The following SLC9A9 variants were observed in gnomAD, a reference collection of about 807,000 sequenced individuals.
SLC9A9 encodes the protein sodium/hydrogen exchanger 9.
In SLC9A9, 62 loss-of-function variants were observed where a neutral mutation model predicts 77.8. The ratio of observed to expected loss-of-function variants is 0.80; its 90% CI spans 0.65 to 0.98. SLC9A9 has a LOEUF of 0.98. SLC9A9 is among the 50% of genes least tolerant of loss of function. The pLI is 0.00. For missense variants in SLC9A9, 775 were observed against 774.9 expected, an observed-to-expected ratio of 1.00 and a Z score of 0.00; for synonymous variants, 320 against 283.5, an observed-to-expected ratio of 1.13 and a Z score of -1.29.
At chr3:143,839,536 C>T (rs1050798360) in intron 1 of SLC9A9, among the ~76,000 whole-genome samples, 4 of 151,924 alleles carry the variant, frequency 2.6e-5, no homozygotes, top group South Asian at 2.1e-4. Flanking sequence ...ACATCACAAG[C>T]GCACACATGC....
chr3:143,664,803 C>T (rs2039036278), intron 5 of SLC9A9, among the ~76,000 whole-genome samples: 1 of 152,196 alleles, frequency 6.6e-6, no homozygotes. Context: ...AACATATATG[C>T]ACCCAATACA....
intron 1 of SLC9A9, among the ~76,000 whole-genome samples, chr3:143,843,879 A>C (rs567464334): frequency 2.0e-5 from 3 of 152,270 alleles, no homozygotes; most frequent in African/African-American, 7.2e-5. Context: ...TTCCAGTCCA[A>C]TTTAAATGAG....
Position 143,394,382 on chromosome 3 carries a change from G to C in SLC9A9, c.1470-12268C>G, listed in dbSNP as rs541324513. Among the ~76,000 whole-genome samples, 238 of 152,188 alleles carry C rather than the reference G, an allele frequency of 1.6e-3. 1 individual carries two copies. Among genetic ancestry groups the C allele is most frequent in the Admixed American group, 1.9e-3 (29 of 15,290 alleles). The stretch of plus-strand genomic sequence containing the variant: ...GATTATCCCAATAGAAGCAGAAAAG[G>C]CCTTTGACAAAATTCAACAACTCTT... On this transcript the variant is annotated intron_variant, in intron 12 of 15. Coordinates refer to ENST00000316549, the MANE Select transcript of SLC9A9 (RefSeq NM_173653.4).
chr3:143,478,482 A>G (rs936246924), intron 11 of SLC9A9, among the ~76,000 whole-genome samples: 7 of 152,184 alleles, frequency 4.6e-5, no homozygotes, highest in African/African-American at 1.7e-4. Flanking sequence ...AGGTGGGGCT[A>G]GGATCCTGCC....
At chr3:143,727,129 A>C (rs536603829) in intron 4 of SLC9A9, among the ~76,000 whole-genome samples, 87 of 152,344 alleles carry the variant, frequency 5.7e-4, no homozygotes, top group Non-Finnish European at 1.0e-3. Flanking sequence ...CAAACTTATA[A>C]TTAACACCAT....
At chr3:143,476,657 G>T (rs1310558131) in intron 11 of SLC9A9, among the ~76,000 whole-genome samples, 3 of 152,242 alleles carry the variant, frequency 2.0e-5, no homozygotes, top group African/African-American at 7.2e-5. Flanking sequence ...CATTCTGGGA[G>T]TAGTACCCAA....
chr3:143,846,736 T>G (rs1384673337), intron 1 of SLC9A9, among the ~76,000 whole-genome samples: 6 of 151,956 alleles, frequency 3.9e-5, no homozygotes, highest in South Asian at 2.1e-4. Context: ...AAAAGGTTTT[T>G]TTTTTTTTTG....
At chr3:143,348,554 G>A (rs1387937132) in intron 14 of SLC9A9, among the ~76,000 whole-genome samples, 1 of 152,100 alleles carries the variant, frequency 6.6e-6, no homozygotes, top group Non-Finnish European at 1.5e-5. Flanking sequence ...CAGAGGGCTA[G>A]GCATCTCTTT....
intron 13 of SLC9A9, among the ~76,000 whole-genome samples, chr3:143,373,132 C>T (rs1377765729): frequency 6.6e-6 from 1 of 152,070 alleles, no homozygotes; most frequent in Non-Finnish European, 1.5e-5. Context: ...GTCAATATAT[C>T]AAAAAGACAC....
intron 12 of SLC9A9, among the ~76,000 whole-genome samples, chr3:143,433,802 AAC>A (rs1293434001): frequency 1.3e-5 from 2 of 152,230 alleles, no homozygotes; most frequent in Non-Finnish European, 2.9e-5. Flanking sequence ...AGTCTCAGAA[AAC>A]TTTATTAGAA....
At chr3:143,360,680 AAAAAC>A (rs1366433422) in intron 14 of SLC9A9, among the ~76,000 whole-genome samples, 3 of 152,244 alleles carry the variant, frequency 2.0e-5, no homozygotes, top group African/African-American at 7.2e-5. Flanking sequence ...ATGAAAAAGA[AAAAAC>A]AAAACTATGT....
chr3:143,341,416 C>G (rs1393673517), intron 14 of SLC9A9, among the ~76,000 whole-genome samples: 1 of 152,108 alleles, frequency 6.6e-6, no homozygotes, highest in Non-Finnish European at 1.5e-5. Flanking sequence ...AGAGAGTCAT[C>G]CCAGGTCATA....
intron 12 of SLC9A9, among the ~76,000 whole-genome samples, chr3:143,398,574 A>C (rs2033781526): frequency 6.6e-6 from 1 of 152,204 alleles, no homozygotes; most frequent in Non-Finnish European, 1.5e-5. Context: ...AGTAATTAAA[A>C]GCAAAAAGAG....
At chr3:143,419,811 G>T (rs2034265036) in intron 12 of SLC9A9, among the ~76,000 whole-genome samples, 1 of 152,194 alleles carries the variant, frequency 6.6e-6, no homozygotes. Flanking sequence ...AGAACAGGTT[G>T]ATGATGCTGA....
chr3:143,540,859 G>T (rs1339158378), intron 9 of SLC9A9, among the ~76,000 whole-genome samples: 1 of 152,138 alleles, frequency 6.6e-6, no homozygotes, highest in African/African-American at 2.4e-5. Flanking sequence ...ACACATTATA[G>T]TGTTCAACAA....
intron 6 of SLC9A9, among the ~76,000 whole-genome samples, chr3:143,622,552 G>C (rs2038236489): frequency 1.3e-5 from 2 of 152,154 alleles, no homozygotes; most frequent in Admixed American, 1.3e-4. Flanking sequence ...ATACTTTACA[G>C]ACAAGAAAAT....
chr3:143,588,416 G>A (rs1355548721), intron 6 of SLC9A9, among the ~76,000 whole-genome samples: 1 of 152,202 alleles, frequency 6.6e-6, no homozygotes, highest in Non-Finnish European at 1.5e-5. Context: ...TTGGAGCCAG[G>A]TTGATGATGA....
Position 143,297,887 on chromosome 3 carries a change from T to C in SLC9A9, c.1605-28907A>G, listed in dbSNP as rs1578272198. Among the ~76,000 whole-genome samples the C allele has an allele frequency of 6.6e-5, 10 of 152,182 alleles. No individual in the cohort carries two copies. In the South Asian group the frequency reaches 1.9e-3, roughly 28 times the overall value. ...CAGCCATGATTGTGATGTATGTGCC[T>C]GGAAAAAGCAGTGGGAGTAGACCTT... On this transcript the variant is annotated intron_variant, in intron 14 of 15. Transcript: ENST00000316549.
At chr3:143,449,917 C>CATGTATATATATTAT (rs2034960357) in intron 12 of SLC9A9, among the ~76,000 whole-genome samples, 2 of 77,000 alleles carry the variant, frequency 2.6e-5, no homozygotes, top group African/African-American at 1.2e-4. Context: ...TATAATATTA[C>CATGTATATATATTAT]ATAATATATA....
Sources: allele counts gnomAD v4.1 joint callset (sites outside exome capture counted in the v4.1 genomes callset), GRCh38; gene constraint gnomAD v4.1.1; transcripts MANE v1.5; gene names NCBI Gene and HGNC (gene_info 2026-07-23, HGNC 2026-07-21).